Variants in HIPK2 observed in about 807,000 individuals in gnomAD.
HIPK2 encodes the protein homeodomain-interacting protein kinase 2.
Under a neutral mutation model 113.7 loss-of-function variants are expected in HIPK2, and 27 were observed. That is an observed-to-expected ratio of 0.24 (90% CI 0.17 to 0.33). HIPK2 has a LOEUF of 0.33. Among genes scored for constraint, HIPK2 ranks in the 10% least tolerant of loss-of-function variants. The pLI, the probability that HIPK2 is intolerant of heterozygous loss-of-function variation, is 1.00. For missense variants in HIPK2, 1,257 were observed against 1,588.0 expected, an observed-to-expected ratio of 0.79 and a Z score of 3.54; for synonymous variants, 631 against 642.2, an observed-to-expected ratio of 0.98 and a Z score of 0.26.
intron 2 of HIPK2, among the ~76,000 whole-genome samples, chr7:139,670,997 G>A (rs996367165): frequency 5.9e-5 from 9 of 152,028 alleles, no homozygotes; most frequent in African/African-American, 2.2e-4. Context: ...CTGGCCTCAA[G>A]TGATTTGCCC....
chr7:139,607,759 G>C (rs1335934202), intron 9 of HIPK2, among the ~76,000 whole-genome samples: 1 of 152,086 alleles, frequency 6.6e-6, no homozygotes, highest in East Asian at 1.9e-4. Context: ...TGAGTGAAAG[G>C]AGGAACAGGA....
intron 2 of HIPK2, among the ~76,000 whole-genome samples, chr7:139,654,484 C>A (rs1403406782): frequency 6.6e-6 from 1 of 152,082 alleles, no homozygotes; most frequent in Admixed American, 6.6e-5. Context: ...CTGCACTCCA[C>A]CCTGGACGAC....
At position 139,631,083 on chromosome 7, in the gene HIPK2, A is replaced by C; in HGVS notation, c.1347+82T>G. ...GTGCCCTCATTTTGCTGACTGAATC[A>C]AAAGCTCCCCACTAATGGGTCTACG... On this transcript the variant is annotated intron_variant, in intron 4 of 14. Transcript: ENST00000406875. The surrounding 1 kb of genome is among the most constrained non-coding windows in gnomAD (Gnocchi z 4.9). 6.7e-7 allele frequency: 1 copy of C among 1,503,692 alleles called. No homozygotes were observed. The highest frequency in any genetic ancestry group is 8.9e-7 in the Non-Finnish European group (1 of 1,123,616). The allele number at this position is 1,503,692 out of a possible 1,614,324, so 93.1% of individuals were successfully genotyped here. A position where few individuals can be genotyped will look rare whatever the true frequency, so the allele number is the denominator to read the frequency against.
Position 139,725,674 on chromosome 7 carries a change from C to T in HIPK2, c.20-8659G>A, listed in dbSNP as rs191466710. On this transcript the variant is annotated intron_variant, in intron 1 of 14. Transcript: ENST00000406875. ...CTCCTTTCGCCTTCTCTCTCACTGGCTGCCATCTAACACATCAACAAGTGG... is the reference window on the plus strand; with the variant it reads ...CTCCTTTCGCCTTCTCTCTCACTGGTTGCCATCTAACACATCAACAAGTGG... Among the ~76,000 whole-genome samples, 130 of 152,320 alleles carry T rather than the reference C, an allele frequency of 8.5e-4. No homozygotes were observed. The East Asian group carries it at 0.012, about 14-fold the overall frequency.
chr7:139,655,524 G>A (rs1360290198), intron 2 of HIPK2, among the ~76,000 whole-genome samples: 1 of 152,152 alleles, frequency 6.6e-6, no homozygotes, highest in Non-Finnish European at 1.5e-5. Context: ...ACGTGGCAGG[G>A]TCTTCTTGGC....
At chr7:139,730,505 C>T (rs1356012274) in intron 1 of HIPK2, among the ~76,000 whole-genome samples, 1 of 152,088 alleles carries the variant, frequency 6.6e-6, no homozygotes, top group Non-Finnish European at 1.5e-5. Context: ...GGATTACAGG[C>T]ATGAGCCAAC....
At chr7:139,578,501 A>G (rs1247380761) in intron 13 of HIPK2, among the ~76,000 whole-genome samples, 1 of 152,136 alleles carries the variant, frequency 6.6e-6, no homozygotes, top group Non-Finnish European at 1.5e-5. Context: ...CCCAGGAAAA[A>G]GGGAGCGCAT....
chr7:139,769,262 C>A (rs1371713614), intron 1 of HIPK2, among the ~76,000 whole-genome samples: 2 of 151,870 alleles, frequency 1.3e-5, no homozygotes, highest in African/African-American at 4.8e-5. Context: ...GTGCCTTCCA[C>A]CGCACCACAA....
chr7:139,572,791 C>CCCCCCCAA lies in HIPK2; in HGVS notation c.*135_*136insTTGGGGGG. Reference sequence around the variant, plus strand: ...CCCCCCCCCCCCCCCCGCCCCTGCCCCGTTTGCATTGTTTGTGTGCGGCAT... The same window carrying CCCCCCCAA: ...CCCCCCCCCCCCCCCCGCCCCTGCCCCCCCCCAACGTTTGCATTGTTTGTGTGCGGCAT... On this transcript the variant is annotated 3_prime_UTR_variant, in exon 15 of 15. Transcript: ENST00000406875. 5.1e-6 allele frequency: 1 copy of CCCCCCCAA among 196,846 alleles called. No homozygotes were observed. The highest frequency in any genetic ancestry group is 9.6e-6 in the Non-Finnish European group (1 of 103,862). The allele number at this position is 196,846 out of a possible 1,614,324, so 12.2% of individuals were successfully genotyped here.
In HIPK2 at chr7:139,738,820, CATTT is replaced by C. The variant is rs1202047655; in HGVS notation, c.20-21809_20-21806del. Among the ~76,000 whole-genome samples, 9 of 152,230 alleles carry C rather than the reference CATTT, an allele frequency of 5.9e-5. 1 individual carries two copies. Among genetic ancestry groups the C allele is most frequent in the South Asian group, 4.1e-4 (2 of 4,824 alleles). On this transcript the variant is annotated intron_variant, in intron 1 of 14. Coordinates refer to ENST00000406875, the MANE Select transcript of HIPK2 (RefSeq NM_022740.5). ...ATGTTTTTAAATGTATAAGGATGAA[CATTT>C]ATTTATTAATCACTGAAATCTACCA... is the stretch of plus-strand genomic sequence containing the variant.
chr7:139,703,649 G>A (rs1794777851), intron 2 of HIPK2, among the ~76,000 whole-genome samples: 1 of 151,702 alleles, frequency 6.6e-6, no homozygotes, highest in Admixed American at 6.6e-5. Flanking sequence ...TGCTGCCACT[G>A]GATACACACA....
intron 2 of HIPK2, among the ~76,000 whole-genome samples, chr7:139,704,351 A>G (rs1277657200): frequency 2.1e-5 from 2 of 97,212 alleles, no homozygotes; most frequent in Non-Finnish European, 4.0e-5. Flanking sequence ...ACCCCACCAC[A>G]CACACTATAC....
chr7:139,574,075 C>G (rs1373390590), intron 14 of HIPK2, among the ~76,000 whole-genome samples: 2 of 152,180 alleles, frequency 1.3e-5, no homozygotes, highest in African/African-American at 4.8e-5. Context: ...ATCCCCCCGC[C>G]TTGGGCTCCC....
chr7:139,593,690 T>C (rs1196423246), intron 12 of HIPK2, among the ~76,000 whole-genome samples: 1 of 152,134 alleles, frequency 6.6e-6, no homozygotes, highest in Non-Finnish European at 1.5e-5. Flanking sequence ...TAGGCAAAGT[T>C]ACAGGACTGG....
At chr7:139,712,774 T>A (rs1392961008) in intron 2 of HIPK2, among the ~76,000 whole-genome samples, 4 of 152,108 alleles carry the variant, frequency 2.6e-5, no homozygotes, top group African/African-American at 9.7e-5. Flanking sequence ...GAGCTGGCTG[T>A]CCCACACAGC....
At chr7:139,730,878 G>T (rs1795756839) in intron 1 of HIPK2, among the ~76,000 whole-genome samples, 1 of 152,180 alleles carries the variant, frequency 6.6e-6, no homozygotes, top group African/African-American at 2.4e-5. Flanking sequence ...CACACAGAGT[G>T]CGGGCCACAC....
intron 12 of HIPK2, among the ~76,000 whole-genome samples, chr7:139,590,958 TCTCAG>T (rs1798999981): frequency 6.6e-6 from 1 of 152,160 alleles, no homozygotes; most frequent in African/African-American, 2.4e-5. Context: ...AATCCTCCCA[TCTCAG>T]CTTCCCAAGT....
chr7:139,614,212 A>G, intron 8 of HIPK2, 74 bp downstream of exon 8: 1 of 1,256,118 alleles, frequency 8.0e-7, no homozygotes, highest in African/African-American at 1.5e-5. Flanking sequence ...AGCGTGACAG[A>G]AAACTGCAGG....
At chr7:139,712,403 CA>C (rs1477002304) in intron 2 of HIPK2, among the ~76,000 whole-genome samples, 2 of 152,202 alleles carry the variant, frequency 1.3e-5, no homozygotes, top group African/African-American at 4.8e-5. Context: ...AGCCCAGTCC[CA>C]TGCAAAATGA....
Sources: allele counts gnomAD v4.1 joint callset (sites outside exome capture counted in the v4.1 genomes callset), GRCh38; gene constraint gnomAD v4.1.1; non-coding constraint Gnocchi (gnomAD v3.1); transcripts MANE v1.5; gene names NCBI Gene and HGNC (gene_info 2026-07-23, HGNC 2026-07-21).